Variants in FANK1 observed in about 807,000 individuals in gnomAD.
FANK1 encodes the protein fibronectin type 3 and ankyrin repeat domains protein 1.
FANK1 carries 44 observed loss-of-function variants against 45.3 expected under a neutral mutation model. The observed-to-expected ratio is 0.97, with a 90% CI of 0.76 to 1.25. The LOEUF is 1.25. FANK1 is among the 50% of genes most tolerant of loss of function. FANK1 has a pLI of 0.00. For missense variants in FANK1, 391 were observed against 424.4 expected, an observed-to-expected ratio of 0.92 and a Z score of 0.69; for synonymous variants, 149 against 152.5, an observed-to-expected ratio of 0.98 and a Z score of 0.17.
chr10:125,956,593 G>T (rs905144802), intron 1 of FANK1, among the ~76,000 whole-genome samples: 1 of 152,128 alleles, frequency 6.6e-6, no homozygotes, highest in Non-Finnish European at 1.5e-5. Context: ...TATATTTATT[G>T]TATAGGTTTT....
chr10:125,898,054 G>GCC (rs1251330267), intron 1 of FANK1, among the ~76,000 whole-genome samples: 7 of 143,996 alleles, frequency 4.9e-5, no homozygotes, highest in Non-Finnish European at 1.1e-4. Flanking sequence ...GGTGGCGCGT[G>GCC]CCTGGAGTCC....
chr10:126,007,911 G>A (rs960649356), intron 7 of FANK1, among the ~76,000 whole-genome samples: 1 of 152,222 alleles, frequency 6.6e-6, no homozygotes, highest in Non-Finnish European at 1.5e-5. Flanking sequence ...TTTTGGAGAA[G>A]CCTTTAGTCA....
intron 1 of FANK1, among the ~76,000 whole-genome samples, chr10:125,931,921 A>G (rs570471991): frequency 4.6e-5 from 7 of 152,264 alleles, no homozygotes; most frequent in Non-Finnish European, 8.8e-5. Flanking sequence ...ATTCTCCCAC[A>G]TGTGCATAAC....
At chr10:125,949,339 G>T (rs1314039692) in intron 1 of FANK1, among the ~76,000 whole-genome samples, 1 of 151,792 alleles carries the variant, frequency 6.6e-6, no homozygotes. Context: ...GTCCCTGTTT[G>T]CAGACAACAT....
At chr10:125,960,566 G>T (rs1949858953) in intron 1 of FANK1, among the ~76,000 whole-genome samples, 1 of 152,258 alleles carries the variant, frequency 6.6e-6, no homozygotes. Context: ...TCGCTCTGTT[G>T]CCCAGGCTGG....
At position 125,980,232 on chromosome 10, in the gene FANK1, T is replaced by C. The variant is rs185929415; in HGVS notation, c.85T>C (p.Trp29Arg). Reference protein sequence around the residue: ...KVTHHSIELYWDLEKKAKRQG... With the variant: ...KVTHHSIELYRDLEKKAKRQG... ...GACTCATCACAGCATTGAATTATAC[T>C]GGGATCTGGAAAAGAAAGCCAAACG... The change falls in exon 2 of 11, where the codon TGG (tryptophan) becomes CGG (arginine). Residue 29 changes from tryptophan to arginine, a missense_variant. Trp to Arg is a moderately radical substitution (Grantham distance 101). Transcript: ENST00000368693. The C allele has an allele frequency of 1.2e-6, 2 of 1,614,170 alleles. No individual in the cohort carries two copies.
chr10:125,975,501 T>C (rs557216372), intron 1 of FANK1, among the ~76,000 whole-genome samples: 1 of 152,336 alleles, frequency 6.6e-6, no homozygotes, highest in Admixed American at 6.5e-5. Flanking sequence ...CCAGCATCTA[T>C]TATTTTTTTG....
intron 1 of FANK1, among the ~76,000 whole-genome samples, chr10:125,972,570 C>T (rs1385866550): frequency 2.0e-5 from 3 of 152,174 alleles, no homozygotes; most frequent in Non-Finnish European, 4.4e-5. Context: ...ATAACTAGCT[C>T]TTACCTGATG....
At chr10:125,998,797 G>A (rs540751449) in intron 6 of FANK1, among the ~76,000 whole-genome samples, 4 of 152,228 alleles carry the variant, frequency 2.6e-5, no homozygotes, top group African/African-American at 4.8e-5. Context: ...CAGAAAATTC[G>A]AAATAACCAA....
intron 1 of FANK1, among the ~76,000 whole-genome samples, chr10:125,955,012 A>G (rs1949489866): frequency 6.6e-6 from 1 of 152,210 alleles, no homozygotes; most frequent in Non-Finnish European, 1.5e-5. Context: ...GCCGACACTC[A>G]TAACATTAGC....
intron 1 of FANK1, among the ~76,000 whole-genome samples, chr10:125,937,964 A>G (rs1948208503): frequency 2.0e-5 from 3 of 152,176 alleles, no homozygotes. Flanking sequence ...AAACTGAAAT[A>G]TCATACAAAC....
chr10:125,920,440 A>C (rs1946863975), intron 1 of FANK1, among the ~76,000 whole-genome samples: 1 of 152,180 alleles, frequency 6.6e-6, no homozygotes, highest in Non-Finnish European at 1.5e-5. Context: ...AAATTTACAG[A>C]GATTTTTTTC....
At chr10:125,932,674 G>C (rs1445849146) in intron 1 of FANK1, among the ~76,000 whole-genome samples, 3 of 152,162 alleles carry the variant, frequency 2.0e-5, no homozygotes, top group Admixed American at 6.5e-5. Flanking sequence ...ATAACAGTTT[G>C]ACTTCCTCTT....
intron 1 of FANK1, among the ~76,000 whole-genome samples, chr10:125,897,998 C>CAAAAAAAAAAA (rs373550249): frequency 1.8e-4 from 3 of 16,796 alleles, no homozygotes; most frequent in African/African-American, 2.4e-4. Flanking sequence ...TACTAAAATA[C>CAAAAAAAAAAA]AAAAAAAAAA....
At chr10:125,957,717 A>G (rs1949669838) in intron 1 of FANK1, among the ~76,000 whole-genome samples, 1 of 151,536 alleles carries the variant, frequency 6.6e-6, no homozygotes, top group African/African-American at 2.4e-5. Context: ...TAGAGATGGG[A>G]TTTTACCATG....
chr10:125,958,433 C>T (rs780132315), intron 1 of FANK1, among the ~76,000 whole-genome samples: 4 of 152,148 alleles, frequency 2.6e-5, no homozygotes, highest in South Asian at 2.1e-4. Flanking sequence ...TACGGGGTTT[C>T]GCCATGTTGG....
rs553004760 is a variant in FANK1, at chr10:125,985,768, G to A, written c.192-2783G>A. 2.0e-4 allele frequency among the ~76,000 whole-genome samples: 30 copies of A among 152,300 alleles called. No homozygotes were observed. In the East Asian group the frequency reaches 2.7e-3, roughly 14 times the overall value. The stretch of plus-strand genomic sequence containing the variant: ...GTTTCTGCCCCATGTGGTCTTGGCC[G>A]TTGCAGCTCTCTTGGGGCTGGAAGA... On this transcript the variant is annotated intron_variant, in intron 2 of 10. Coordinates refer to ENST00000368693, the MANE Select transcript of FANK1 (RefSeq NM_145235.5).
chr10:126,002,121 G>C (rs1479973288), intron 6 of FANK1, among the ~76,000 whole-genome samples: 1 of 151,928 alleles, frequency 6.6e-6, no homozygotes, highest in East Asian at 2.0e-4. Flanking sequence ...GACCAGCCTG[G>C]CCAGGCTGGT....
chr10:126,006,414 T>C (rs1424989849), intron 7 of FANK1, among the ~76,000 whole-genome samples: 1 of 152,214 alleles, frequency 6.6e-6, no homozygotes, highest in Non-Finnish European at 1.5e-5. Context: ...GAAGGCTGAG[T>C]CAGTGGGCTT....
Sources: allele counts gnomAD v4.1 joint callset (sites outside exome capture counted in the v4.1 genomes callset), GRCh38; gene constraint gnomAD v4.1.1; transcripts MANE v1.5; gene names NCBI Gene and HGNC (gene_info 2026-07-23, HGNC 2026-07-21).